CD2AP: variants seen among roughly 807,000 people sequenced by gnomAD.
CD2AP encodes CD2-associated protein.
Under a neutral mutation model 85.1 loss-of-function variants are expected in CD2AP, and 46 were observed. The ratio of observed to expected loss-of-function variants is 0.54; its 90% CI spans 0.43 to 0.69. The LOEUF (loss-of-function observed/expected upper bound fraction) is 0.69. Ranked by LOEUF, CD2AP falls within the 30% of genes least tolerant of loss-of-function variation. The pLI is 0.00. For missense variants in CD2AP, 769 were observed against 729.5 expected (o/e 1.05, Z -0.62); for synonymous variants, 255 against 252.9 (o/e 1.01, Z -0.08).
chr6:47,573,964 G>A, intron 5 of CD2AP, 100 bp from the exon 6 acceptor site: 1 of 1,034,392 alleles, frequency 9.7e-7, no homozygotes, highest in Non-Finnish European at 1.5e-6. Flanking sequence ...TTTTTCTACT[G>A]TGTTTTATTA....
intron 4 of CD2AP, among the ~76,000 whole-genome samples, chr6:47,551,943 C>T (rs1582549116): frequency 6.6e-6 from 1 of 152,010 alleles, no homozygotes; most frequent in East Asian, 1.9e-4. Context: ...AGCATTTCAG[C>T]ACATATTAGC....
chr6:47,573,962 CTG>C, intron 5 of CD2AP, 100 bp from the exon 6 acceptor site: 2 of 1,018,684 alleles, frequency 2.0e-6, no homozygotes, highest in South Asian at 2.6e-5. Flanking sequence ...TTTTTTTCTA[CTG>C]TGTTTTATTA....
chr6:47,527,560 C>T (rs1257000324), intron 2 of CD2AP, among the ~76,000 whole-genome samples: 9 of 152,176 alleles, frequency 5.9e-5, no homozygotes, highest in Non-Finnish European at 1.0e-4. Context: ...TTCTTATTTC[C>T]TGTGGACACA....
intron 2 of CD2AP, among the ~76,000 whole-genome samples, chr6:47,513,264 G>C (rs1766366482): frequency 6.6e-6 from 1 of 151,590 alleles, no homozygotes; most frequent in African/African-American, 2.4e-5. Flanking sequence ...CACTGTCTCA[G>C]CATCCATAAG....
chr6:47,558,563 G>T (rs1179148552), intron 5 of CD2AP, among the ~76,000 whole-genome samples: 2 of 152,140 alleles, frequency 1.3e-5, no homozygotes, highest in Non-Finnish European at 2.9e-5. Flanking sequence ...GGCCTTTTCT[G>T]CATCTATTGA....
chr6:47,574,499 G>GT (rs1482214775), intron 6 of CD2AP, among the ~76,000 whole-genome samples: 1 of 150,984 alleles, frequency 6.6e-6, no homozygotes, highest in East Asian at 1.9e-4. Flanking sequence ...AAGCTTTAGG[G>GT]TTTTTAGTTA....
intron 2 of CD2AP, among the ~76,000 whole-genome samples, chr6:47,527,671 A>C (rs555683292): frequency 1.3e-5 from 2 of 152,330 alleles, no homozygotes; most frequent in East Asian, 3.9e-4. Flanking sequence ...GGGACATGGA[A>C]GTAACTATGT....
intron 2 of CD2AP, among the ~76,000 whole-genome samples, chr6:47,513,706 A>G (rs1766376736): frequency 6.6e-6 from 1 of 152,058 alleles, no homozygotes; most frequent in Non-Finnish European, 1.5e-5. Flanking sequence ...TTTAGCTATT[A>G]AGAAATTTTT....
chr6:47,591,997 T>A (rs1182449214), intron 11 of CD2AP, among the ~76,000 whole-genome samples: 1 of 151,992 alleles, frequency 6.6e-6, no homozygotes, highest in East Asian at 1.9e-4. Flanking sequence ...GCTAATTTTT[T>A]AATTTATTTT....
At chr6:47,512,127 C>T (rs1029598407) in intron 2 of CD2AP, among the ~76,000 whole-genome samples, 1 of 151,912 alleles carries the variant, frequency 6.6e-6, no homozygotes, top group African/African-American at 2.4e-5. Context: ...CACTGCACTC[C>T]AGCCTGGGCA....
intron 4 of CD2AP, among the ~76,000 whole-genome samples, chr6:47,551,323 T>C (rs1393634490): frequency 6.6e-6 from 1 of 152,192 alleles, no homozygotes; most frequent in Admixed American, 6.5e-5. Flanking sequence ...ATAGCACAGA[T>C]TGATTTTGTG....
Position 47,609,112 on chromosome 6 carries a change from T to TA in CD2AP, c.1633-10dup, listed in dbSNP as rs1295077481. ...TAAATAAAATCAGAAATTTTTTTTT[T>TA]ACGTTTTCAGCCATCTGTGTACCTT... On this transcript the variant is annotated splice_polypyrimidine_tract_variant and intron_variant, in intron 15 of 17. Coordinates refer to ENST00000359314, the MANE Select transcript of CD2AP (RefSeq NM_012120.3). 3 of 1,583,654 alleles carry TA rather than the reference T, an allele frequency of 1.9e-6. No individual in the cohort carries two copies. Among genetic ancestry groups the TA allele is most frequent in the Non-Finnish European group, 2.6e-6 (3 of 1,167,368 alleles).
At chr6:47,569,487 C>G (rs1768091814) in intron 5 of CD2AP, among the ~76,000 whole-genome samples, 1 of 151,522 alleles carries the variant, frequency 6.6e-6, no homozygotes, top group Admixed American at 6.6e-5. Context: ...TGAAGAGGTT[C>G]CAGCAGGGAT....
At chr6:47,614,250 G>C (rs1354227027) in intron 17 of CD2AP, among the ~76,000 whole-genome samples, 1 of 152,202 alleles carries the variant, frequency 6.6e-6, no homozygotes, top group African/African-American at 2.4e-5. Context: ...CCAATCTCTT[G>C]ACCTGCTGTG....
In CD2AP at chr6:47,478,170, A is replaced by G; in HGVS notation, c.-75A>G. On this transcript the variant is annotated 5_prime_UTR_variant, in exon 1 of 18. Coordinates refer to ENST00000359314, the MANE Select transcript of CD2AP (RefSeq NM_012120.3). ...CGCGGGTCCCGCCTCCAGCCGCGGG[A>G]GCGGCCGCGCGAGCCACCACTGGAG... The G allele has an allele frequency of 6.5e-7, 1 of 1,537,812 alleles. No individual in the cohort carries two copies. The highest frequency in any genetic ancestry group is 8.8e-7 in the Non-Finnish European group (1 of 1,136,744).
Position 47,574,178 on chromosome 6 carries a change from T to C in CD2AP, c.656T>C (p.Ile219Thr). The C allele has an allele frequency of 6.2e-7, 1 of 1,614,074 alleles. No homozygotes were observed. The highest frequency in any genetic ancestry group is 8.5e-7 in the Non-Finnish European group (1 of 1,179,950). Reference protein sequence around the residue: ...KKIRGIGFGDIFKEGSVKLRT... With the variant: ...KKIRGIGFGDTFKEGSVKLRT... Reference sequence around the variant, plus strand: ...ATTCGAGGAATTGGATTTGGAGACATTTTTAAAGAAGGCTCTGTGAAACTT... The same window carrying C: ...ATTCGAGGAATTGGATTTGGAGACACTTTTAAAGAAGGCTCTGTGAAACTT... Residue 219 changes from isoleucine to threonine, a missense_variant, in exon 6 of 18, where the codon ATT (isoleucine) becomes ACT (threonine). Transcript: ENST00000359314.
intron 13 of CD2AP, among the ~76,000 whole-genome samples, chr6:47,601,051 A>T (rs1031434191): frequency 6.6e-5 from 10 of 151,998 alleles, no homozygotes; most frequent in East Asian, 1.9e-4. Flanking sequence ...AATTTTTTTT[A>T]AAATTTAGGT....
chr6:47,548,271 C>G (rs1442444165), intron 4 of CD2AP, among the ~76,000 whole-genome samples: 1 of 151,946 alleles, frequency 6.6e-6, no homozygotes, highest in Non-Finnish European at 1.5e-5. Flanking sequence ...AAAACTGGTT[C>G]TTTGAAAAGA....
chr6:47,616,530 A>G (rs555037987), intron 17 of CD2AP, among the ~76,000 whole-genome samples: 3 of 152,214 alleles, frequency 2.0e-5, no homozygotes, highest in Admixed American at 6.5e-5. Flanking sequence ...AGTACTTTGT[A>G]AATTATCAGA....
Sources: gnomAD v4.1 joint callset for allele counts (sites outside exome capture counted in the v4.1 genomes callset) on GRCh38, gnomAD v4.1.1 for gene constraint, MANE v1.5 for transcripts, NCBI Gene and HGNC (gene_info 2026-07-23, HGNC 2026-07-21) for gene names.